The following PRDM6 variants were observed in gnomAD, a reference collection of about 807,000 sequenced individuals.
The protein encoded by PRDM6 is PR/SET domain 6, also known as putative histone-lysine N-methyltransferase PRDM6.
Under a neutral mutation model 60.8 loss-of-function variants are expected in PRDM6, and 25 were observed. That is an observed-to-expected ratio of 0.41 (90% CI 0.30 to 0.57). The LOEUF (loss-of-function observed/expected upper bound fraction) is 0.57. Ranked by LOEUF, PRDM6 falls within the 20% of genes least tolerant of loss-of-function variation. The pLI is 0.27. For synonymous variants in PRDM6, 407 were observed against 357.4 expected (o/e 1.14, Z -1.57); for missense variants, 839 against 821.3 (o/e 1.02, Z -0.26).
intron 3 of PRDM6, among the ~76,000 whole-genome samples, chr5:123,153,536 G>GTA (rs1200243515): frequency 2.0e-5 from 3 of 152,166 alleles, no homozygotes; most frequent in Non-Finnish European, 4.4e-5. Context: ...TATAATGTTA[G>GTA]TATTAGCTAA....
chr5:123,170,689 T>G, intron 5 of PRDM6, 77 bp from the exon 6 acceptor site: 1 of 1,037,614 alleles, frequency 9.6e-7, no homozygotes, highest in Non-Finnish European at 1.4e-6. Flanking sequence ...TTTATTTGAT[T>G]TTTTAAAAGT....
chr5:123,167,283 T>G (rs1336848200), intron 5 of PRDM6, among the ~76,000 whole-genome samples: 1 of 152,150 alleles, frequency 6.6e-6, no homozygotes, highest in African/African-American at 2.4e-5. Context: ...TTTCTACCCA[T>G]TAATCAATCT....
At chr5:123,156,481 C>T (rs893879421) in intron 4 of PRDM6, among the ~76,000 whole-genome samples, 1 of 152,208 alleles carries the variant, frequency 6.6e-6, no homozygotes, top group East Asian at 1.9e-4. Context: ...CCAAGGATAC[C>T]TTTCCAAAAC....
chr5:123,093,202 G>A (rs1009881713), intron 2 of PRDM6, among the ~76,000 whole-genome samples: 19 of 152,088 alleles, frequency 1.2e-4, no homozygotes, highest in Non-Finnish European at 2.9e-5. Flanking sequence ...TTGTCACTTC[G>A]TACTTAAAAG....
rs1289682721 is a variant in PRDM6 at position 123,189,306 on chromosome 5, CTT to C, written c.*2109_*2110del. 6.6e-6 allele frequency: 1 copy of C among 152,128 alleles called. No individual in the cohort carries two copies. The highest frequency in any genetic ancestry group is 1.9e-4 in the East Asian group (1 of 5,202). 9.4% of individuals were successfully genotyped at this position (152,128 alleles called of 1,614,324 possible). ...GTTAAGGTTGAAAGATTTACTCAAA[CTT>C]TTTGAAAACAACAGTAGGGAATCAC... On this transcript the variant is annotated 3_prime_UTR_variant, in exon 8 of 8. Transcript: ENST00000407847.
chr5:123,125,525 T>A (rs1345072524), intron 3 of PRDM6, among the ~76,000 whole-genome samples: 1 of 152,206 alleles, frequency 6.6e-6, no homozygotes, highest in Non-Finnish European at 1.5e-5. Flanking sequence ...AGTGAGCCAT[T>A]TGCCAGAAAT....
intron 3 of PRDM6, among the ~76,000 whole-genome samples, chr5:123,138,164 C>G (rs1765010811): frequency 6.6e-6 from 1 of 152,162 alleles, no homozygotes; most frequent in Non-Finnish European, 1.5e-5. Context: ...GGAGTTTTCC[C>G]TGTTCTAACG....
chr5:123,137,647 G>A (rs1403050129), intron 3 of PRDM6, among the ~76,000 whole-genome samples: 2 of 152,148 alleles, frequency 1.3e-5, no homozygotes, highest in Non-Finnish European at 2.9e-5. Flanking sequence ...CAGGGGGTGG[G>A]GGGCTAAGGG....
At chr5:123,094,288 C>T (rs1763909567) in intron 2 of PRDM6, among the ~76,000 whole-genome samples, 1 of 152,178 alleles carries the variant, frequency 6.6e-6, no homozygotes, top group Non-Finnish European at 1.5e-5. Flanking sequence ...AGTGGCACAC[C>T]AGCAGGCTTT....
intron 3 of PRDM6, among the ~76,000 whole-genome samples, chr5:123,155,651 C>G (rs1423023460): frequency 6.6e-6 from 1 of 152,156 alleles, no homozygotes; most frequent in Non-Finnish European, 1.5e-5. Context: ...TGAGATACCA[C>G]AAATATGTTT....
intron 3 of PRDM6, among the ~76,000 whole-genome samples, chr5:123,123,646 G>A (rs1159694394): frequency 6.6e-6 from 1 of 152,068 alleles, no homozygotes; most frequent in African/African-American, 2.4e-5. Flanking sequence ...ATTGCCTTTC[G>A]TTCTCTTCCC....
intron 2 of PRDM6, among the ~76,000 whole-genome samples, chr5:123,092,895 C>T (rs1426001001): frequency 6.6e-6 from 1 of 152,132 alleles, no homozygotes; most frequent in African/African-American, 2.4e-5. Context: ...AAAGATGAAA[C>T]GTGATTGAGT....
At chr5:123,120,394 G>C (rs1764554604) in intron 3 of PRDM6, among the ~76,000 whole-genome samples, 1 of 152,214 alleles carries the variant, frequency 6.6e-6, no homozygotes, top group Admixed American at 6.5e-5. Context: ...CCTATCCTCT[G>C]GAGGCAGCGT....
intron 3 of PRDM6, among the ~76,000 whole-genome samples, chr5:123,149,343 A>T (rs1305127825): frequency 1.3e-5 from 2 of 152,180 alleles, no homozygotes; most frequent in Admixed American, 1.3e-4. Flanking sequence ...GACTGCACAG[A>T]CAGCTCACCT....
intron 4 of PRDM6, 76 bp from the exon 5 acceptor site, chr5:123,159,438 C>T: frequency 6.7e-7 from 1 of 1,495,768 alleles, no homozygotes; most frequent in East Asian, 2.5e-5. Flanking sequence ...AGAACTTTTT[C>T]AGGGCAATAA....
intron 7 of PRDM6, among the ~76,000 whole-genome samples, chr5:123,184,207 T>A (rs1485438584): frequency 2.6e-5 from 4 of 152,192 alleles, no homozygotes; most frequent in Admixed American, 1.3e-4. Context: ...AGAAAGCTTG[T>A]TGCAGGTTTT....
intron 4 of PRDM6, among the ~76,000 whole-genome samples, chr5:123,157,865 A>T (rs921877346): frequency 6.6e-6 from 1 of 152,210 alleles, no homozygotes; most frequent in Non-Finnish European, 1.5e-5. Flanking sequence ...AATAATGTTT[A>T]TTGGCATGTG....
intron 6 of PRDM6, among the ~76,000 whole-genome samples, chr5:123,177,683 C>T (rs1307071539): frequency 2.6e-5 from 4 of 152,122 alleles, no homozygotes; most frequent in African/African-American, 7.2e-5. Flanking sequence ...GAATAGAGAT[C>T]ATATTGGTGA....
At chr5:123,093,419 T>G (rs1232320894) in intron 2 of PRDM6, among the ~76,000 whole-genome samples, 6 of 152,208 alleles carry the variant, frequency 3.9e-5, no homozygotes, top group African/African-American at 7.2e-5. Flanking sequence ...AATGTCACAG[T>G]GATGGGGCTT....
Sources: allele counts gnomAD v4.1 joint callset (sites outside exome capture counted in the v4.1 genomes callset), GRCh38; gene constraint gnomAD v4.1.1; transcripts MANE v1.5; gene names NCBI Gene and HGNC (gene_info 2026-07-23, HGNC 2026-07-21).